FILIP1L: variants seen among roughly 807,000 people sequenced by gnomAD.
FILIP1L encodes filamin A-interacting protein 1-like.
FILIP1L carries 55 observed loss-of-function variants against 96.6 expected under a neutral mutation model. That is an observed-to-expected ratio of 0.57 (90% confidence interval 0.46 to 0.71). The LOEUF (loss-of-function observed/expected upper bound fraction) is 0.71. FILIP1L is among the 30% of genes least tolerant of loss of function. The pLI is 0.00. For missense variants in FILIP1L, 1,304 were observed against 1,321.2 expected (o/e 0.99, Z 0.20); for synonymous variants, 467 against 473.9 (o/e 0.99, Z 0.19).
chr3:99,937,144 G>A (rs1218097941), intron 1 of FILIP1L, among the ~76,000 whole-genome samples: 1 of 151,926 alleles, frequency 6.6e-6, no homozygotes, highest in African/African-American at 2.4e-5. Context: ...CACCATGTTG[G>A]CCAGGCTGGT....
At chr3:99,912,816 T>G (rs910483518) in intron 4 of FILIP1L, among the ~76,000 whole-genome samples, 1 of 152,222 alleles carries the variant, frequency 6.6e-6, no homozygotes, top group Admixed American at 6.5e-5. Flanking sequence ...TGTGAATATT[T>G]GTGTACAGAT....
chr3:100,017,899 G>T (rs1710391791), intron 1 of FILIP1L, among the ~76,000 whole-genome samples: 1 of 152,152 alleles, frequency 6.6e-6, no homozygotes, highest in Admixed American at 6.5e-5. Context: ...AGTTTTCCTG[G>T]ATCTGTAGCT....
At chr3:99,988,555 G>A (rs1290385067) in intron 1 of FILIP1L, among the ~76,000 whole-genome samples, 2 of 147,616 alleles carry the variant, frequency 1.4e-5, no homozygotes, top group Non-Finnish European at 3.0e-5. Context: ...AAAAAAGAAA[G>A]TCTGAAATAT....
chr3:100,067,582 T>C (rs971391890), intron 1 of FILIP1L, among the ~76,000 whole-genome samples: 3 of 152,224 alleles, frequency 2.0e-5, no homozygotes, highest in Admixed American at 2.0e-4. Flanking sequence ...TACAGGTTTA[T>C]TTAATGTAAA....
At chr3:99,920,583 A>T (rs1707094454) in intron 4 of FILIP1L, among the ~76,000 whole-genome samples, 1 of 152,218 alleles carries the variant, frequency 6.6e-6, no homozygotes, top group Non-Finnish European at 1.5e-5. Flanking sequence ...ATATGGACAG[A>T]CCAAACCGCA....
intron 4 of FILIP1L, among the ~76,000 whole-genome samples, chr3:99,911,040 T>C (rs995625261): frequency 6.6e-6 from 1 of 152,172 alleles, no homozygotes; most frequent in Non-Finnish European, 1.5e-5. Context: ...TCATTGCCGT[T>C]TGTTCATTCA....
At chr3:99,940,066 T>C (rs1323291240) in intron 1 of FILIP1L, among the ~76,000 whole-genome samples, 3 of 152,174 alleles carry the variant, frequency 2.0e-5, no homozygotes, top group Non-Finnish European at 4.4e-5. Context: ...TTCTTAGCTG[T>C]GTGTTGTGAA....
At chr3:99,980,374 G>A (rs1388292395) in intron 1 of FILIP1L, among the ~76,000 whole-genome samples, 1 of 152,116 alleles carries the variant, frequency 6.6e-6, no homozygotes, top group African/African-American at 2.4e-5. Flanking sequence ...GAATTTTTCA[G>A]TTTGGGGAAA....
chr3:100,046,569 T>A (rs983291713), intron 1 of FILIP1L, among the ~76,000 whole-genome samples: 3 of 152,208 alleles, frequency 2.0e-5, no homozygotes, highest in African/African-American at 7.2e-5. Flanking sequence ...CAATTGGTTG[T>A]TGTTGATGTT....
chr3:100,100,234 A>C (rs995668949), intron 1 of FILIP1L, among the ~76,000 whole-genome samples: 2 of 152,170 alleles, frequency 1.3e-5, no homozygotes, highest in African/African-American at 4.8e-5. Flanking sequence ...AGGGTTGTAC[A>C]TCCTGAGGAA....
chr3:100,094,674 CTTTTTT>C (rs71132509), intron 1 of FILIP1L, among the ~76,000 whole-genome samples: 1 of 57,000 alleles, frequency 1.8e-5, no homozygotes, highest in Non-Finnish European at 3.2e-5. Flanking sequence ...GAAAAGCTGC[CTTTTTT>C]TTTTTTTTTT....
rs566997706 is a variant in FILIP1L at position 99,848,867 on chromosome 3, G to T, written c.2809C>A (p.Pro937Thr). ...PHSYTSTAVI[P>T]NCGTPKQRIT... ...CTTTGCTTTGGCGTGCCACAGTTCG[G>T]TATCACTGCAGTACTCGTGTAAGAG... Residue 937 changes from proline (P) to threonine (T), a missense_variant, in exon 5 of 6, where the codon CCG becomes ACG. Physicochemically the swap from Pro to Thr is conservative, Grantham distance 38. Transcript: ENST00000477258. 11 of 1,614,092 alleles carry T rather than the reference G, an allele frequency of 6.8e-6. No homozygotes were observed. Among genetic ancestry groups the T allele is most frequent in the Non-Finnish European group, 7.6e-6 (9 of 1,180,020 alleles).
chr3:100,015,491 G>A (rs1003311499), intron 1 of FILIP1L, among the ~76,000 whole-genome samples: 6 of 152,156 alleles, frequency 3.9e-5, no homozygotes, highest in African/African-American at 1.4e-4. Flanking sequence ...AATTTTAACA[G>A]TATTCATTTT....
intron 1 of FILIP1L, among the ~76,000 whole-genome samples, chr3:100,067,046 A>T (rs1055137053): frequency 6.6e-6 from 1 of 152,196 alleles, no homozygotes; most frequent in Non-Finnish European, 1.5e-5. Context: ...TCAGAAGGGC[A>T]AGCGTGGACT....
intron 1 of FILIP1L, among the ~76,000 whole-genome samples, chr3:100,097,299 GGTTGGGAACCACT>G (rs1377664276): frequency 2.0e-5 from 3 of 152,194 alleles, no homozygotes; most frequent in Non-Finnish European, 4.4e-5. Context: ...GTGCCTAAAA[GGTTGGGAACCACT>G]GTTGTATTAG....
At chr3:100,073,990 C>T (rs1019065142) in intron 1 of FILIP1L, among the ~76,000 whole-genome samples, 2 of 151,850 alleles carry the variant, frequency 1.3e-5, no homozygotes, top group Admixed American at 6.6e-5. Flanking sequence ...TTCTCCTTCC[C>T]TTTTTTCAGT....
chr3:99,928,553 G>A (rs921837277), intron 3 of FILIP1L, among the ~76,000 whole-genome samples: 1 of 152,140 alleles, frequency 6.6e-6, no homozygotes, highest in African/African-American at 2.4e-5. Flanking sequence ...TTGTAGAAGG[G>A]GGGTATTTCC....
At chr3:100,027,402 C>T (rs2064944947) in intron 1 of FILIP1L, among the ~76,000 whole-genome samples, 1 of 152,112 alleles carries the variant, frequency 6.6e-6, no homozygotes, top group Admixed American at 6.6e-5. Flanking sequence ...AAATAAAACT[C>T]TTCAATAGGC....
At chr3:99,866,005 G>T (rs558725979) in intron 4 of FILIP1L, among the ~76,000 whole-genome samples, 1 of 151,870 alleles carries the variant, frequency 6.6e-6, no homozygotes, top group African/African-American at 2.4e-5. Flanking sequence ...GATATTGCAC[G>T]TGGGCATTTT....
Sources: gnomAD v4.1 joint callset for allele counts (sites outside exome capture counted in the v4.1 genomes callset) on GRCh38, gnomAD v4.1.1 for gene constraint, MANE v1.5 for transcripts, NCBI Gene and HGNC (gene_info 2026-07-23, HGNC 2026-07-21) for gene names.